The following MCC variants were observed in gnomAD, a reference collection of about 807,000 sequenced individuals.
MCC encodes the protein MCC regulator of Wnt signaling pathway.
MCC carries 90 observed loss-of-function variants against 116.2 expected under a neutral mutation model. That is an observed-to-expected ratio of 0.77 (90% CI 0.65 to 0.92). The LOEUF (loss-of-function observed/expected upper bound fraction) is 0.92. Among genes scored for constraint, MCC ranks in the 40% least tolerant of loss-of-function variants. The pLI is 0.00. For missense variants in MCC, 1,516 were observed against 1,312.2 expected (o/e 1.16, Z -2.40); for synonymous variants, 578 against 510.5 (o/e 1.13, Z -1.78).
chr5:113,346,483 C>G (rs1217110372), intron 2 of MCC, among the ~76,000 whole-genome samples: 8 of 152,146 alleles, frequency 5.3e-5, no homozygotes, highest in African/African-American at 1.7e-4. Flanking sequence ...CACCTGTAAT[C>G]CCAGCTACTT....
intron 3 of MCC, among the ~76,000 whole-genome samples, chr5:113,313,824 T>TTTGC (rs900117209): frequency 6.6e-6 from 1 of 151,728 alleles, no homozygotes; most frequent in African/African-American, 2.4e-5. Flanking sequence ...GTTTTGTTTG[T>TTTGC]TTGTTTGTTT....
intron 6 of MCC, among the ~76,000 whole-genome samples, chr5:113,122,082 T>C (rs183543941): frequency 6.6e-6 from 1 of 152,266 alleles, no homozygotes. Flanking sequence ...TTAAAAATAC[T>C]TTTTCATGTA....
intron 1 of MCC, among the ~76,000 whole-genome samples, chr5:113,461,744 T>TAAAAAAAAAAAAAAAAAAAAAAA (rs56312844): frequency 2.5e-5 from 3 of 118,852 alleles, no homozygotes; most frequent in Non-Finnish European, 3.5e-5. Context: ...CTTGCACCAG[T>TAAAAAAAAAAAAAAAAAAAAAAA]AAAAAAAAAA....
chr5:113,043,282 G>C lies in MCC; in HGVS notation c.2756+248C>G, dbSNP rs1580906883. ...CCAATGCAACAACATAACAGAAAAG[G>C]AAAGGAAGAGGAATTTTCCTATTCA... On this transcript the variant is annotated intron_variant, in intron 17 of 18. Transcript: ENST00000408903. Among the ~76,000 whole-genome samples, 5 of 152,312 alleles carry C rather than the reference G, an allele frequency of 3.3e-5. No individual in the cohort carries two copies. In the South Asian group the frequency reaches 1.0e-3, roughly 32 times the overall value.
chr5:113,101,054 A>G (rs1485774328), intron 8 of MCC, among the ~76,000 whole-genome samples: 1 of 152,168 alleles, frequency 6.6e-6, no homozygotes, highest in Non-Finnish European at 1.5e-5. Flanking sequence ...TCTGCCGAAC[A>G]TTTCTATCCT....
At chr5:113,125,021 G>A (rs995153714) in intron 5 of MCC, among the ~76,000 whole-genome samples, 3 of 152,232 alleles carry the variant, frequency 2.0e-5, no homozygotes, top group Non-Finnish European at 4.4e-5. Flanking sequence ...GCTCAGAGGA[G>A]CTGGGAACGT....
rs183108081 is a variant in MCC at position 113,090,842 on chromosome 5, T to C, written c.1399-5532A>G. ...TTAAAAATGCATAGAAATCCTGCAT[T>C]AAAAAAGGAACAATGAGAAATAAAT... On this transcript the variant is annotated intron_variant, in intron 8 of 18. Transcript: ENST00000408903. 7.9e-5 allele frequency among the ~76,000 whole-genome samples: 12 copies of C among 152,214 alleles called. 1 individual carries two copies. The highest frequency in any genetic ancestry group is 2.6e-4 in the African/African-American group (11 of 41,536).
At chr5:113,098,110 C>G (rs1431121322) in intron 8 of MCC, among the ~76,000 whole-genome samples, 1 of 152,164 alleles carries the variant, frequency 6.6e-6, no homozygotes, top group African/African-American at 2.4e-5. Flanking sequence ...TATGGTTCAG[C>G]GGGACACAGT....
chr5:113,330,191 T>C (rs1485524091), intron 3 of MCC, among the ~76,000 whole-genome samples: 1 of 152,256 alleles, frequency 6.6e-6, no homozygotes, highest in Non-Finnish European at 1.5e-5. Flanking sequence ...ACCTGACTTT[T>C]GTCCTGTCCA....
intron 17 of MCC, among the ~76,000 whole-genome samples, chr5:113,035,376 C>A (rs1216565989): frequency 3.3e-5 from 5 of 152,238 alleles, no homozygotes; most frequent in Admixed American, 2.0e-4. Context: ...CCACAACAGC[C>A]TGCTAACTGG....
At position 113,488,327 on chromosome 5, in the gene MCC, CGCTGCTGCT is replaced by C. The variant is rs577989080; in HGVS notation, c.79_87del (p.Ser27_Ser29del). The C allele has an allele frequency of 5.3e-6, 8 of 1,519,434 alleles. No individual in the cohort carries two copies. Among genetic ancestry groups the C allele is most frequent in the Non-Finnish European group, 6.2e-6 (7 of 1,132,890 alleles). 94.1% of individuals were successfully genotyped at this position (1,519,434 alleles called of 1,614,324 possible). On this transcript the variant is annotated inframe_deletion, in exon 1 of 19. Coordinates refer to ENST00000408903, the MANE Select transcript of MCC (RefSeq NM_001085377.2). ...TCCTCCTCGCCGGTGCTGGACGTGT[CGCTGCTGCT>C]GCTGCTGCTGCCGCTGCCGCCGCCG...
chr5:113,171,331 C>G (rs1166314679), intron 3 of MCC, among the ~76,000 whole-genome samples: 1 of 150,846 alleles, frequency 6.6e-6, no homozygotes, highest in Non-Finnish European at 1.5e-5. Context: ...CAAAAATGCA[C>G]AGAGACAAGC....
chr5:113,137,316 G>A (rs542284924), intron 5 of MCC, among the ~76,000 whole-genome samples: 1 of 152,176 alleles, frequency 6.6e-6, no homozygotes, highest in African/African-American at 2.4e-5. Flanking sequence ...CTCAATATGT[G>A]GGTATTACAA....
intron 1 of MCC, among the ~76,000 whole-genome samples, chr5:113,386,748 G>A (rs919954796): frequency 1.6e-4 from 14 of 85,632 alleles, no homozygotes; most frequent in African/African-American, 3.9e-4. Flanking sequence ...GTGTCCATAT[G>A]TATATCATAT....
At chr5:113,235,246 A>G (rs761740288) in intron 3 of MCC, among the ~76,000 whole-genome samples, 9 of 152,218 alleles carry the variant, frequency 5.9e-5, no homozygotes, top group Non-Finnish European at 1.0e-4. Flanking sequence ...TGGGTTCTTC[A>G]AAAGTCTGAC....
chr5:113,297,273 G>A (rs546571605), intron 3 of MCC, among the ~76,000 whole-genome samples: 3 of 152,114 alleles, frequency 2.0e-5, no homozygotes, highest in South Asian at 2.1e-4. Flanking sequence ...AGGCTGAGGC[G>A]GGCAGATCAC....
intron 1 of MCC, among the ~76,000 whole-genome samples, chr5:113,398,610 T>C (rs1769596272): frequency 6.6e-6 from 1 of 152,166 alleles, no homozygotes; most frequent in African/African-American, 2.4e-5. Context: ...TTCTCACTTA[T>C]AAGTAGGAGC....
At chr5:113,063,177 C>G (rs1037692014) in intron 14 of MCC, among the ~76,000 whole-genome samples, 1 of 152,148 alleles carries the variant, frequency 6.6e-6, no homozygotes, top group Non-Finnish European at 1.5e-5. Flanking sequence ...AAGTAAGAAT[C>G]TCTAACAAAG....
intron 3 of MCC, among the ~76,000 whole-genome samples, chr5:113,275,112 A>T (rs756547304): frequency 1.3e-5 from 2 of 152,200 alleles, no homozygotes; most frequent in African/African-American, 2.4e-5. Flanking sequence ...GCCTCCAGCC[A>T]GTCCATCGCG....
Sources: allele counts gnomAD v4.1 joint callset (sites outside exome capture counted in the v4.1 genomes callset), GRCh38; gene constraint gnomAD v4.1.1; transcripts MANE v1.5; gene names NCBI Gene and HGNC (gene_info 2026-07-23, HGNC 2026-07-21).